The following PAPPA variants were observed in gnomAD, a reference collection of about 807,000 sequenced individuals.
The protein encoded by PAPPA is pappalysin-1.
A neutral mutation model predicts 164.0 loss-of-function variants in PAPPA; 60 were observed. The observed-to-expected ratio is 0.37, with a 90% CI of 0.30 to 0.45. The LOEUF is 0.45. Ranked by LOEUF, PAPPA falls within the 20% of genes least tolerant of loss-of-function variation. The pLI is 1.00. For missense variants in PAPPA, 1,782 were observed against 2,087.3 expected (o/e 0.85, Z 2.85); for synonymous variants, 875 against 814.1 (o/e 1.07, Z -1.27).
chr9:116,286,931 C>T (rs1367204309), intron 9 of PAPPA: 2 of 152,118 alleles, frequency 1.3e-5, no homozygotes, highest in Non-Finnish European at 2.9e-5. Flanking sequence ...TGGTCATTGA[C>T]ACCAGCTAAT....
intron 5 of PAPPA, among the ~76,000 whole-genome samples, chr9:116,220,810 A>C (rs1009871027): frequency 1.3e-5 from 2 of 151,842 alleles, no homozygotes; most frequent in Admixed American, 1.3e-4. Context: ...GCTTGAGCCC[A>C]GGAGGCGGAG....
rs10983124 is a variant in PAPPA, at chr9:116,379,971, C to A, written c.4677+2324C>A. The stretch of plus-strand genomic sequence containing the variant: ...GTCTCTAGAAATTCTCTCTTCTCCA[C>A]CCCCACCTAATTAACTCCTACTCAT... On this transcript the variant is annotated intron_variant, in intron 20 of 21. Coordinates refer to ENST00000328252, the MANE Select transcript of PAPPA (RefSeq NM_002581.5). Among the ~76,000 whole-genome samples, 1,831 of 152,292 alleles carry A rather than the reference C, an allele frequency of 0.012. 155 individuals are homozygous for A. In the South Asian group the frequency reaches 0.17, roughly 14 times the overall value.
chr9:116,185,659 C>A (rs888462397), intron 1 of PAPPA, among the ~76,000 whole-genome samples: 1 of 152,178 alleles, frequency 6.6e-6, no homozygotes, highest in Non-Finnish European at 1.5e-5. Flanking sequence ...ATTAGAAAGT[C>A]CTCTTCCCCA....
At chr9:116,158,978 A>ACTTTCTGTGGAACATTTCCATT in intron 1 of PAPPA, among the ~76,000 whole-genome samples, 1 of 152,290 alleles carries the variant, frequency 6.6e-6, no homozygotes, top group Non-Finnish European at 1.5e-5. Flanking sequence ...CTCTTCCTTA[A>ACTTTCTGTGGAACATTTCCATT]CCTTTCTGTG....
intron 1 of PAPPA, among the ~76,000 whole-genome samples, chr9:116,182,752 A>G (rs1161299601): frequency 6.6e-6 from 1 of 152,186 alleles, no homozygotes; most frequent in East Asian, 1.9e-4. Context: ...CTGGGGGCCT[A>G]TGGAACCCTT....
chr9:116,199,838 G>A (rs1482728458), intron 2 of PAPPA, among the ~76,000 whole-genome samples: 1 of 152,132 alleles, frequency 6.6e-6, no homozygotes, highest in Non-Finnish European at 1.5e-5. Context: ...CTTGGAAGGG[G>A]AAGAGGAGCC....
chr9:116,195,943 A>T (rs1314043074), intron 2 of PAPPA, among the ~76,000 whole-genome samples: 1 of 152,196 alleles, frequency 6.6e-6, no homozygotes, highest in African/African-American at 2.4e-5. Context: ...TATATTGATT[A>T]TCCCAAGAGA....
At chr9:116,310,657 A>C (rs922957831) in intron 10 of PAPPA, among the ~76,000 whole-genome samples, 16 of 152,174 alleles carry the variant, frequency 1.1e-4, no homozygotes, top group African/African-American at 3.9e-4. Flanking sequence ...TCTCTCTTCT[A>C]TTCATCCTTT....
chr9:116,216,332 C>T (rs139094998), intron 4 of PAPPA, among the ~76,000 whole-genome samples: 12 of 152,272 alleles, frequency 7.9e-5, no homozygotes, highest in Non-Finnish European at 1.8e-4. Flanking sequence ...GGAGTGAAGG[C>T]ATGGTATTCA....
chr9:116,190,483 G>A (rs1844027948), intron 2 of PAPPA, among the ~76,000 whole-genome samples: 1 of 152,166 alleles, frequency 6.6e-6, no homozygotes, highest in South Asian at 2.1e-4. Flanking sequence ...CTAATAAATG[G>A]ATAGCTTGGA....
intron 10 of PAPPA, among the ~76,000 whole-genome samples, chr9:116,329,333 A>G (rs1208272480): frequency 6.6e-6 from 1 of 152,164 alleles, no homozygotes; most frequent in Admixed American, 6.6e-5. Context: ...TGGCTTTCTA[A>G]GCTAACAGTT....
At chr9:116,207,654 T>G (rs1844253519) in intron 3 of PAPPA, 53 bp downstream of exon 3, 1 of 1,342,322 alleles carries the variant, frequency 7.4e-7, no homozygotes, top group Admixed American at 2.1e-5. Context: ...AGTAATACAC[T>G]TAGTGCGATG....
chr9:116,286,195 A>G (rs1310344498), intron 9 of PAPPA: 1 of 152,104 alleles, frequency 6.6e-6, no homozygotes, highest in East Asian at 1.9e-4. Flanking sequence ...CTCTATACTG[A>G]CAGAGGTCAT....
intron 21 of PAPPA, among the ~76,000 whole-genome samples, chr9:116,386,280 T>A (rs1414763831): frequency 6.6e-6 from 1 of 152,212 alleles, no homozygotes; most frequent in Non-Finnish European, 1.5e-5. Flanking sequence ...CCAGTTTGAC[T>A]TTTAAGGGAA....
At chr9:116,275,421 G>A (rs1587982573) in intron 9 of PAPPA, among the ~76,000 whole-genome samples, 1 of 152,060 alleles carries the variant, frequency 6.6e-6, no homozygotes, top group African/African-American at 2.4e-5. Flanking sequence ...TGTGAACTAC[G>A]GGTCGTCTCT....
At chr9:116,364,659 A>G (rs988032688) in intron 18 of PAPPA, among the ~76,000 whole-genome samples, 9 of 152,200 alleles carry the variant, frequency 5.9e-5, no homozygotes, top group African/African-American at 2.2e-4. Context: ...AAGGCAAACA[A>G]ACCTCACAGA....
chr9:116,296,215 A>G (rs758606736), intron 9 of PAPPA, among the ~76,000 whole-genome samples: 1 of 152,248 alleles, frequency 6.6e-6, no homozygotes, highest in Non-Finnish European at 1.5e-5. Flanking sequence ...AAAGTGTGAC[A>G]TACCCTATAA....
At position 116,255,804 on chromosome 9, in the gene PAPPA, A is replaced by G. The variant is rs965251828; in HGVS notation, c.2733-10053A>G. Among the ~76,000 whole-genome samples, 29 of 151,974 alleles carry G rather than the reference A, an allele frequency of 1.9e-4. 1 individual carries two copies. The highest frequency in any genetic ancestry group is 6.5e-4 in the African/African-American group (27 of 41,426). On this transcript the variant is annotated intron_variant, in intron 7 of 21. Transcript: ENST00000328252. ...TACATGTTTGGTGAAAGGGTGTACT[A>G]GGGAAAAAATATGTATATGCATATG...
chr9:116,157,994 T>C (rs936859341), intron 1 of PAPPA, among the ~76,000 whole-genome samples: 4 of 152,254 alleles, frequency 2.6e-5, no homozygotes, highest in Non-Finnish European at 5.9e-5. Context: ...TGTTAAAGTT[T>C]CTCCTGACCT....
Sources: gnomAD v4.1 joint callset for allele counts (sites outside exome capture counted in the v4.1 genomes callset) on GRCh38, gnomAD v4.1.1 for gene constraint, MANE v1.5 for transcripts, NCBI Gene and HGNC (gene_info 2026-07-23, HGNC 2026-07-21) for gene names.